Variants in TSHR observed in about 807,000 individuals in gnomAD.
The protein encoded by TSHR is thyrotropin receptor.
Under a neutral mutation model 64.1 loss-of-function variants are expected in TSHR, and 51 were observed. The observed-to-expected ratio is 0.80, with a 90% CI of 0.64 to 1.01. The LOEUF (loss-of-function observed/expected upper bound fraction) is 1.01, where lower values mean the gene tolerates loss of function less well. Ranked by LOEUF, TSHR falls within the 50% of genes least tolerant of loss-of-function variation. The pLI is 0.00. For missense variants in TSHR, 877 were observed against 942.8 expected (o/e 0.93, Z 0.91); for synonymous variants, 361 against 361.9 (o/e 1.00, Z 0.03).
At chr14:80,975,447 T>C (rs1356521932) in intron 1 of TSHR, among the ~76,000 whole-genome samples, 1 of 152,130 alleles carries the variant, frequency 6.6e-6, no homozygotes, top group African/African-American at 2.4e-5. Flanking sequence ...CTAAACACAC[T>C]CAAGTATCTT....
chr14:81,007,855 G>A (rs1245095205), intron 1 of TSHR, among the ~76,000 whole-genome samples: 1 of 152,188 alleles, frequency 6.6e-6, no homozygotes, highest in Non-Finnish European at 1.5e-5. Flanking sequence ...GGATCACTTA[G>A]GTTCAAACCC....
chr14:81,122,290 G>A (rs1450552496), intron 8 of TSHR, among the ~76,000 whole-genome samples: 1 of 151,630 alleles, frequency 6.6e-6, no homozygotes, highest in Non-Finnish European at 1.5e-5. Flanking sequence ...CGATCCACCT[G>A]CCTAGGCCTA....
intron 1 of TSHR, among the ~76,000 whole-genome samples, chr14:81,046,812 G>C (rs185892788): frequency 1.2e-4 from 18 of 152,122 alleles, no homozygotes; most frequent in Admixed American, 1.0e-3. Context: ...CTTAAAAGTA[G>C]CCAGATTTAA....
intron 8 of TSHR, among the ~76,000 whole-genome samples, chr14:81,124,426 G>A (rs1001271665): frequency 6.6e-6 from 1 of 151,942 alleles, no homozygotes; most frequent in African/African-American, 2.4e-5. Context: ...GATGCAATTC[G>A]ACAAAACTAT....
At chr14:81,028,100 G>A (rs527584730) in intron 1 of TSHR, among the ~76,000 whole-genome samples, 1 of 152,180 alleles carries the variant, frequency 6.6e-6, no homozygotes, top group East Asian at 1.9e-4. Context: ...GAGACCTTAC[G>A]ATACATAAAG....
intron 1 of TSHR, among the ~76,000 whole-genome samples, chr14:80,967,583 C>A (rs1315257860): frequency 6.6e-6 from 1 of 152,108 alleles, no homozygotes; most frequent in Non-Finnish European, 1.5e-5. Context: ...CCCCGCCCGG[C>A]CCTGACCTGA....
rs577642425 is a variant in TSHR at position 80,970,645 on chromosome 14, C to T, written c.170+14795C>T. 2.6e-5 allele frequency among the ~76,000 whole-genome samples: 4 copies of T among 152,332 alleles called. No individual in the cohort carries two copies. The East Asian group carries it at 5.8e-4, about 22-fold the overall frequency. ...ATGGCAGGGAAGCTGGCATTTCAGCCTGAATCTGTTATAGACTCTTGTAGG... is the reference window on the plus strand; with the variant it reads ...ATGGCAGGGAAGCTGGCATTTCAGCTTGAATCTGTTATAGACTCTTGTAGG... On this transcript the variant is annotated intron_variant, in intron 1 of 9. Coordinates refer to ENST00000298171, the MANE Select transcript of TSHR (RefSeq NM_000369.5).
chr14:81,029,558 G>GT (rs1055464467), intron 1 of TSHR, among the ~76,000 whole-genome samples: 6 of 152,042 alleles, frequency 3.9e-5, no homozygotes, highest in Non-Finnish European at 5.9e-5. Flanking sequence ...TTGATTTTCA[G>GT]TTTGAAAATG....
chr14:81,039,676 T>C (rs1884826765), intron 1 of TSHR, among the ~76,000 whole-genome samples: 1 of 151,604 alleles, frequency 6.6e-6, no homozygotes. Context: ...TATGTGCCAA[T>C]AAAAAACTAT....
chr14:80,971,914 C>G (rs1887608557), intron 1 of TSHR, among the ~76,000 whole-genome samples: 1 of 152,164 alleles, frequency 6.6e-6, no homozygotes, highest in African/African-American at 2.4e-5. Context: ...CTAGGGGGAT[C>G]CAGCAACACT....
At position 81,027,030 on chromosome 14, in the gene TSHR, C is replaced by A. The variant is rs376577901; in HGVS notation, c.171-35118C>A. Among the ~76,000 whole-genome samples the A allele has an allele frequency of 9.2e-5, 13 of 141,058 alleles. No homozygotes were observed. In the East Asian group the frequency reaches 2.2e-3, roughly 24 times the overall value. 92.5% of individuals were successfully genotyped at this position (141,058 alleles called of 152,430 possible). A position where few individuals can be genotyped will look rare whatever the true frequency, so the allele number is the denominator to read the frequency against. ...CAGCCTGGGCAACAAGAGTGAAACT[C>A]CATCTCAAAAAAAAAAAAAAAAGAA... On this transcript the variant is annotated intron_variant, in intron 1 of 9. Transcript: ENST00000298171.
chr14:81,104,239 C>T, intron 7 of TSHR: 1 of 985,414 alleles, frequency 1.0e-6, no homozygotes, highest in South Asian at 4.7e-5. Flanking sequence ...TTTAAACTAA[C>T]ATGAGAGGTA....
intron 8 of TSHR, among the ~76,000 whole-genome samples, chr14:81,125,792 G>A (rs962070211): frequency 6.6e-6 from 1 of 151,962 alleles, no homozygotes; most frequent in African/African-American, 2.4e-5. Flanking sequence ...CACCTAGCTT[G>A]GGCACCAAGC....
intron 1 of TSHR, among the ~76,000 whole-genome samples, chr14:80,991,013 G>T (rs1452941728): frequency 6.6e-6 from 1 of 152,180 alleles, no homozygotes; most frequent in Non-Finnish European, 1.5e-5. Flanking sequence ...TGAAGAGAAT[G>T]ATTAAAGTAC....
intron 1 of TSHR, among the ~76,000 whole-genome samples, chr14:80,971,826 C>T (rs1050648153): frequency 6.6e-6 from 1 of 152,156 alleles, no homozygotes; most frequent in African/African-American, 2.4e-5. Context: ...TGGCAACTGG[C>T]CACAGGTCCC....
chr14:81,056,813 G>T (rs1885841327), intron 1 of TSHR, among the ~76,000 whole-genome samples: 1 of 152,182 alleles, frequency 6.6e-6, no homozygotes, highest in Non-Finnish European at 1.5e-5. Flanking sequence ...TATTTCAGCT[G>T]CAGTGTCACA....
At chr14:81,119,868 T>G (rs12896300) in intron 8 of TSHR, among the ~76,000 whole-genome samples, 24,640 of 75,392 alleles carry the variant, frequency 0.33, 5,274 homozygotes, top group Non-Finnish European at 0.43. Flanking sequence ...GATGAGTTCA[T>G]GTCCCTTGTA....
intron 1 of TSHR, among the ~76,000 whole-genome samples, chr14:81,037,947 A>G (rs1297496628): frequency 6.6e-6 from 1 of 151,756 alleles, no homozygotes; most frequent in African/African-American, 2.4e-5. Context: ...AAAAAAAAAC[A>G]CTGGATTTAT....
intron 1 of TSHR, chr14:81,033,197 T>C: frequency 2.2e-6 from 1 of 451,236 alleles, no homozygotes; most frequent in Non-Finnish European, 4.3e-6. Flanking sequence ...ACTAATGATA[T>C]CTCATCCACA....
Sources: allele counts gnomAD v4.1 joint callset (sites outside exome capture counted in the v4.1 genomes callset), GRCh38; gene constraint gnomAD v4.1.1; transcripts MANE v1.5; gene names NCBI Gene and HGNC (gene_info 2026-07-23, HGNC 2026-07-21).